Variants in PNPO observed in about 807,000 individuals in gnomAD.
The protein encoded by PNPO is pyridoxamine 5'-phosphate oxidase, also known as pyridoxine-5'-phosphate oxidase.
Under a neutral mutation model 35.0 loss-of-function variants are expected in PNPO, and 39 were observed. That is an observed-to-expected ratio of 1.11 (90% CI 0.86 to 1.45). PNPO has a LOEUF of 1.45. PNPO is among the 40% of genes most tolerant of loss of function. PNPO has a pLI of 0.00. For missense variants in PNPO, 288 were observed against 340.0 expected (o/e 0.85, Z 1.20); for synonymous variants, 115 against 119.8 (o/e 0.96, Z 0.26).
In PNPO at chr17:47,946,333, A is replaced by C; in HGVS notation, c.557A>C (p.Lys186Thr). The C allele has an allele frequency of 6.2e-7, 1 of 1,612,892 alleles. No homozygotes were observed. Among genetic ancestry groups the C allele is most frequent in the Non-Finnish European group, 8.5e-7 (1 of 1,178,902 alleles). Residue 186 changes from lysine (K) to threonine (T), a missense_variant, in exon 6 of 7, where the codon AAG becomes ACG. Transcript: ENST00000642017. ...CTTCCCCCTGGACAGTATCTGAGAA[A>C]GAAAAATGAGGAACTGGAACAGCTC... ...SVIPDREYLRKKNEELEQLYQ... is the reference protein window; with the variant it reads ...SVIPDREYLRTKNEELEQLYQ...
At position 47,948,809 on chromosome 17, in the gene PNPO, G is replaced by A. The variant is rs990132223; in HGVS notation, c.*2027G>A. The A allele has an allele frequency of 7.2e-5, 11 of 152,396 alleles. 1 individual carries two copies. Among genetic ancestry groups the A allele is most frequent in the Middle Eastern group, 6.8e-3 (2 of 294 alleles). The allele number at this position is 152,396 out of a possible 1,614,324, so 9.4% of individuals were successfully genotyped here. ...CCCGCTAACCAGGGACAGACTGGATGAGCAAGCAACCTGCTGGCTATGGAG... is the reference window on the plus strand; with the variant it reads ...CCCGCTAACCAGGGACAGACTGGATAAGCAAGCAACCTGCTGGCTATGGAG... On this transcript the variant is annotated 3_prime_UTR_variant, in exon 7 of 7. Coordinates refer to ENST00000642017, the MANE Select transcript of PNPO (RefSeq NM_018129.4).
intron 2 of PNPO, among the ~76,000 whole-genome samples, chr17:47,944,164 G>A (rs2035978540): frequency 6.6e-6 from 1 of 151,546 alleles, no homozygotes; most frequent in Non-Finnish European, 1.5e-5. Flanking sequence ...GGGGTTTGCA[G>A]ACAGCTACTT....
At chr17:47,946,588 A>ACAGAGCG in intron 6 of PNPO, 26 bp from the exon 7 acceptor site, 1 of 1,612,426 alleles carries the variant, frequency 6.2e-7, no homozygotes, top group Admixed American at 1.7e-5. Context: ...TCCACAGAGC[A>ACAGAGCG]CTGAAACCTC....
In PNPO at chr17:47,943,795, T is replaced by A. The variant is rs1161782398; in HGVS notation, c.263+365T>A. Among the ~76,000 whole-genome samples, 7 of 152,226 alleles carry A rather than the reference T, an allele frequency of 4.6e-5. No homozygotes were observed. The East Asian group carries it at 1.3e-3, about 29-fold the overall frequency. ...AAATCTAGCACAGTGCTTGACTATA[T>A]CATTCCTTTGACAATCATATGCCCT... On this transcript the variant is annotated intron_variant, in intron 2 of 6. Transcript: ENST00000642017.
intron 2 of PNPO, among the ~76,000 whole-genome samples, chr17:47,943,993 G>A (rs1203698838): frequency 6.6e-6 from 1 of 152,192 alleles, no homozygotes; most frequent in East Asian, 1.9e-4. Context: ...ATTATTGTTA[G>A]TCCCTGCCCT....
Position 47,948,314 on chromosome 17 carries a change from C to T in PNPO, c.*1532C>T, listed in dbSNP as rs1278078492. 1 of 152,008 alleles carries T rather than the reference C, an allele frequency of 6.6e-6. No homozygotes were observed. Among genetic ancestry groups the T allele is most frequent in the African/African-American group, 2.4e-5 (1 of 41,354 alleles). The allele number at this position is 152,008 out of a possible 1,614,324, so 9.4% of individuals were successfully genotyped here. A position where few individuals can be genotyped will look rare whatever the true frequency, so the allele number is the denominator to read the frequency against. ...ACTCACGTATCTGCTTTTCTTACTC[C>T]CCACCTCTGCTGATAATTCCTAGTT... is the stretch of plus-strand genomic sequence containing the variant. On this transcript the variant is annotated 3_prime_UTR_variant, in exon 7 of 7. Coordinates refer to ENST00000642017, the MANE Select transcript of PNPO (RefSeq NM_018129.4).
Position 47,945,690 on chromosome 17 carries a change from TC to T in PNPO, c.417+82del, listed in dbSNP as rs1598199349. The T allele has an allele frequency of 6.9e-7, 1 of 1,453,334 alleles. No individual in the cohort carries two copies. The highest frequency in any genetic ancestry group is 2.3e-5 in the East Asian group (1 of 44,056). The allele number at this position is 1,453,334 out of a possible 1,614,324, so 90.0% of individuals were successfully genotyped here. On this transcript the variant is annotated intron_variant, in intron 4 of 6. Transcript: ENST00000642017. The surrounding 1 kb of genome is among the most constrained non-coding windows in gnomAD (Gnocchi z 4.0). The stretch of plus-strand genomic sequence containing the variant: ...AGTTTATGGCTACGTCTAGCGAAGG[TC>T]CCCAGACTGGGCAAACATCCCAGCT...
chr17:47,943,659 G>A (rs1022916265), intron 2 of PNPO, among the ~76,000 whole-genome samples: 1 of 152,158 alleles, frequency 6.6e-6, no homozygotes, highest in Non-Finnish European at 1.5e-5. Context: ...GTTCATTTCT[G>A]CCCTTGATAC....
At chr17:47,944,763 C>A in intron 3 of PNPO, 48 bp downstream of exon 3, 1 of 1,443,996 alleles carries the variant, frequency 6.9e-7, no homozygotes, top group Non-Finnish European at 9.8e-7. Flanking sequence ...CAGGGTTTGG[C>A]TCTTGCTTCC....
At chr17:47,944,507 A>G in intron 2 of PNPO, 109 bp from the exon 3 acceptor site, 2 of 880,020 alleles carry the variant, frequency 2.3e-6, no homozygotes, top group Admixed American at 3.4e-5. Flanking sequence ...TGACAGCCCA[A>G]TAAAGGGGGT....
Position 47,945,828 on chromosome 17 carries a change from T to C in PNPO, c.418-33T>C. ...GCTGGTAGGGAGGGCAGGTGGCATTTAATGCCATTCACCCAGAGCCATCCC... is the reference window on the plus strand; with the variant it reads ...GCTGGTAGGGAGGGCAGGTGGCATTCAATGCCATTCACCCAGAGCCATCCC... On this transcript the variant is annotated intron_variant, in intron 4 of 6. Transcript: ENST00000642017. The surrounding 1 kb of genome is among the most constrained non-coding windows in gnomAD (Gnocchi z 4.0). 1 of 1,609,948 alleles carries C rather than the reference T, an allele frequency of 6.2e-7. No homozygotes were observed. Among genetic ancestry groups the C allele is most frequent in the Non-Finnish European group, 8.5e-7 (1 of 1,178,294 alleles).
At chr17:47,941,871 C>T (rs2035941413) in intron 1 of PNPO, 58 bp downstream of exon 1, 1 of 1,512,774 alleles carries the variant, frequency 6.6e-7, no homozygotes, top group South Asian at 1.2e-5. Flanking sequence ...TCCCCGGAGT[C>T]ATCTACAGCG....
intron 2 of PNPO, among the ~76,000 whole-genome samples, chr17:47,943,816 G>A (rs2035974279): frequency 6.6e-6 from 1 of 152,172 alleles, no homozygotes; most frequent in Non-Finnish European, 1.5e-5. Flanking sequence ...ACAATCATAT[G>A]CCCTTTGAGA....
rs2097521190 is a variant in PNPO at position 47,945,140 on chromosome 17, T to G, written c.364-419T>G. 2.6e-6 allele frequency: 1 copy of G among 378,408 alleles called. No individual in the cohort carries two copies. Among genetic ancestry groups the G allele is most frequent in the South Asian group, 2.2e-5 (1 of 45,084 alleles). The allele number at this position is 378,408 out of a possible 1,614,324, so 23.4% of individuals were successfully genotyped here. A position where few individuals can be genotyped will look rare whatever the true frequency, so the allele number is the denominator to read the frequency against. ...CAGTAAGCTCTGTAGGAGTGGAGGC[T>G]GCTCTGTTTTATCTCTGCTGTATCC... On this transcript the variant is annotated intron_variant, in intron 3 of 6. Transcript: ENST00000642017. The surrounding 1 kb of genome is among the most constrained non-coding windows in gnomAD (Gnocchi z 4.0).
intron 1 of PNPO, among the ~76,000 whole-genome samples, chr17:47,943,062 C>T (rs944492210): frequency 6.6e-6 from 1 of 152,160 alleles, no homozygotes; most frequent in African/African-American, 2.4e-5. Flanking sequence ...AGTTTTGACA[C>T]CCATGACATG....
Position 47,946,886 on chromosome 17 carries a change from C to T in PNPO, c.*104C>T, listed in dbSNP as rs772682275. The T allele has an allele frequency of 3.4e-5, 36 of 1,051,648 alleles. No homozygotes were observed. The highest frequency in any genetic ancestry group is 5.1e-5 in the Non-Finnish European group (35 of 691,416). The allele number at this position is 1,051,648 out of a possible 1,614,324, so 65.1% of individuals were successfully genotyped here. On this transcript the variant is annotated 3_prime_UTR_variant, in exon 7 of 7. Transcript: ENST00000642017. ...TTCTAAACTCAACCCATTTCCCTCC[C>T]TACCCCTTATCTTCAGGACTCTTCA...
Position 47,946,306 on chromosome 17 carries a change from C to A in PNPO, c.547-17C>A. 6.3e-7 allele frequency: 1 copy of A among 1,591,582 alleles called. No individual in the cohort carries two copies. The highest frequency in any genetic ancestry group is 8.6e-7 in the Non-Finnish European group (1 of 1,159,432). On this transcript the variant is annotated splice_polypyrimidine_tract_variant and intron_variant, in intron 5 of 6. Transcript: ENST00000642017. ...TGACTGGGCCTGGCCCTTCTTCTAA[C>A]TCTTCCCCCTGGACAGTATCTGAGA... is the stretch of plus-strand genomic sequence containing the variant.
At position 47,943,425 on chromosome 17, in the gene PNPO, C is replaced by T; in HGVS notation, c.258C>T (p.Cys86=). Residue 86 remains cysteine (C), a synonymous_variant, in exon 2 of 7, where the codon TGC becomes TGT. Coordinates refer to ENST00000642017, the MANE Select transcript of PNPO (RefSeq NM_018129.4). ...GEANAMCLAT[C]TRDGKPSARM... ...CCAATGCCATGTGTCTGGCTACCTG[C>T]ACCAGGTGGGCATGGCTGTGGGCCC... 2 of 1,613,596 alleles carry T rather than the reference C, an allele frequency of 1.2e-6. No individual in the cohort carries two copies. The highest frequency in any genetic ancestry group is 1.7e-6 in the Non-Finnish European group (2 of 1,179,646).
At position 47,946,411 on chromosome 17, in the gene PNPO, G is replaced by A. The variant is rs745712972; in HGVS notation, c.617+18G>A. The A allele has an allele frequency of 1.3e-6, 2 of 1,589,526 alleles. No homozygotes were observed. Among genetic ancestry groups the A allele is most frequent in the Non-Finnish European group, 1.7e-6 (2 of 1,157,704 alleles). On this transcript the variant is annotated intron_variant, in intron 6 of 6. Coordinates refer to ENST00000642017, the MANE Select transcript of PNPO (RefSeq NM_018129.4). ...AAATCCTGGTGAGTGACATCTGGTA[G>A]TCCTCTAGAAAGGGACACCAGGCCC...
Sources: gnomAD v4.1 joint callset for allele counts (sites outside exome capture counted in the v4.1 genomes callset) on GRCh38, gnomAD v4.1.1 for gene constraint, Gnocchi (gnomAD v3.1) non-coding constraint, MANE v1.5 for transcripts, NCBI Gene and HGNC (gene_info 2026-07-23, HGNC 2026-07-21) for gene names.